FBXL7: variants seen among roughly 807,000 people sequenced by gnomAD.
FBXL7 encodes the protein F-box and leucine rich repeat protein 7, also known as F-box/LRR-repeat protein 7.
FBXL7 carries 12 observed loss-of-function variants against 38.3 expected under a neutral mutation model. The observed-to-expected ratio is 0.31, with a 90% CI of 0.20 to 0.51. The LOEUF (loss-of-function observed/expected upper bound fraction) is 0.51, where lower values mean the gene tolerates loss of function less well. Among genes scored for constraint, FBXL7 ranks in the 20% least tolerant of loss-of-function variants. The probability of loss-of-function intolerance (pLI) is 0.98; values close to 1 mark genes in which losing one functional copy is unlikely to be tolerated. For missense variants in FBXL7, 567 were observed against 676.4 expected (o/e 0.84, Z 1.79); for synonymous variants, 297 against 300.9 (o/e 0.99, Z 0.13).
At chr5:15,870,058 C>T (rs748090422) in intron 2 of FBXL7, among the ~76,000 whole-genome samples, 9 of 151,998 alleles carry the variant, frequency 5.9e-5, no homozygotes, top group East Asian at 1.9e-4. Flanking sequence ...TATAGTGATC[C>T]GCGATTGCAC....
In FBXL7 at chr5:15,836,777, G is replaced by A. The variant is rs527486643; in HGVS notation, c.128-91113G>A. The stretch of plus-strand genomic sequence containing the variant: ...GAGCAGAGGGTAATGTGACTGGCCT[G>A]TGTCAGGTTTCAGCCTCCTGTCAAC... On this transcript the variant is annotated intron_variant, in intron 2 of 3. Transcript: ENST00000504595. Among the ~76,000 whole-genome samples, 10 of 152,306 alleles carry A rather than the reference G, an allele frequency of 6.6e-5. No homozygotes were observed. In the South Asian group the frequency reaches 2.1e-3, roughly 32 times the overall value.
chr5:15,846,103 A>G (rs1314517145), intron 2 of FBXL7, among the ~76,000 whole-genome samples: 1 of 152,282 alleles, frequency 6.6e-6, no homozygotes, highest in Non-Finnish European at 1.5e-5. Context: ...ACATTTTTAA[A>G]TGAATACACA....
chr5:15,883,739 G>A (rs917743476), intron 2 of FBXL7, among the ~76,000 whole-genome samples: 4 of 152,170 alleles, frequency 2.6e-5, no homozygotes, highest in African/African-American at 9.7e-5. Context: ...ACAAGAATAT[G>A]TGGCTGAGTC....
chr5:15,738,005 A>G (rs1336978319), intron 2 of FBXL7, among the ~76,000 whole-genome samples: 2 of 152,170 alleles, frequency 1.3e-5, no homozygotes, highest in Non-Finnish European at 2.9e-5. Flanking sequence ...GAGCATCAAC[A>G]TATGTGCCTG....
At chr5:15,760,070 T>C (rs556981162) in intron 2 of FBXL7, among the ~76,000 whole-genome samples, 72 of 152,314 alleles carry the variant, frequency 4.7e-4, no homozygotes, top group African/African-American at 1.7e-3. Flanking sequence ...ATTATTTGCT[T>C]TAATCCTTGT....
intron 1 of FBXL7, among the ~76,000 whole-genome samples, chr5:15,502,803 A>T (rs530044279): frequency 2.6e-5 from 4 of 152,228 alleles, no homozygotes; most frequent in Non-Finnish European, 4.4e-5. Flanking sequence ...TGCTGGGCTC[A>T]GGTGTGGCAG....
intron 2 of FBXL7, among the ~76,000 whole-genome samples, chr5:15,894,293 CAAAA>C (rs1339774262): frequency 1.3e-5 from 2 of 152,102 alleles, no homozygotes; most frequent in Admixed American, 1.3e-4. Context: ...AACAAACAAA[CAAAA>C]AAGAATATCA....
rs916427526 is a variant in FBXL7, at chr5:15,634,537, T to A, written c.127+18465T>A. 7.3e-5 allele frequency among the ~76,000 whole-genome samples: 11 copies of A among 151,530 alleles called. No homozygotes were observed. The East Asian group carries it at 9.8e-4, about 14-fold the overall frequency. ...GGGGTTTACCCTAGGGCCAGGCTGGTGTCGAACTCCTGACCTCAAGTGATC... is the reference window on the plus strand; with the variant it reads ...GGGGTTTACCCTAGGGCCAGGCTGGAGTCGAACTCCTGACCTCAAGTGATC... On this transcript the variant is annotated intron_variant, in intron 2 of 3. Transcript: ENST00000504595.
chr5:15,641,302 C>A (rs1211638260), intron 2 of FBXL7, among the ~76,000 whole-genome samples: 1 of 152,054 alleles, frequency 6.6e-6, no homozygotes, highest in East Asian at 1.9e-4. Context: ...TGTAGAGAAC[C>A]CAAACAAGAT....
At chr5:15,536,142 C>T (rs1181356728) in intron 1 of FBXL7, among the ~76,000 whole-genome samples, 1 of 152,262 alleles carries the variant, frequency 6.6e-6, no homozygotes, top group Admixed American at 6.5e-5. Flanking sequence ...GGAACCTCCA[C>T]CTAGATTTCA....
In FBXL7 at chr5:15,829,307, A is replaced by C. The variant is rs148630425; in HGVS notation, c.128-98583A>C. Reference sequence around the variant, plus strand: ...ATTGGTTACAGCTTCTTTTGTTTTTATTTGTTGTTTGTTTGCCGTTAGTCC... The same window carrying C: ...ATTGGTTACAGCTTCTTTTGTTTTTCTTTGTTGTTTGTTTGCCGTTAGTCC... On this transcript the variant is annotated intron_variant, in intron 2 of 3. Coordinates refer to ENST00000504595, the MANE Select transcript of FBXL7 (RefSeq NM_012304.5). Among the ~76,000 whole-genome samples, 1,386 of 151,820 alleles carry C rather than the reference A, an allele frequency of 9.1e-3. 55 individuals are homozygous for C. The highest frequency in any genetic ancestry group is 0.083 in the Admixed American group (1,261 of 15,242).
At chr5:15,777,748 T>TAAAAAAAAAAAAAAAAAAAAA (rs1250146374) in intron 2 of FBXL7, among the ~76,000 whole-genome samples, 284 of 89,378 alleles carry the variant, frequency 3.2e-3, no homozygotes, top group Middle Eastern at 6.8e-3. Flanking sequence ...AAAAAAAAAG[T>TAAAAAAAAAAAAAAAAAAAAA]AAATTCCAGT....
At position 15,936,544 on chromosome 5, in the gene FBXL7, C is replaced by T. The variant is rs750652897; in HGVS notation, c.834C>T (p.Asp278=). Residue 278 remains aspartate (D), a synonymous_variant, in exon 4 of 4, where the codon GAC becomes GAT. Transcript: ENST00000504595. This position sits in a 1 kb window ranked among gnomAD's most constrained non-coding sequence, Gnocchi z 6.0. ...HGKQISIRYL[D]MTDCFVLEDE... Reference sequence around the variant, plus strand: ...AACAGATTTCCATCCGCTACCTGGACATGACGGACTGCTTCGTGCTGGAGG... The same window carrying T: ...AACAGATTTCCATCCGCTACCTGGATATGACGGACTGCTTCGTGCTGGAGG... 9 of 1,613,570 alleles carry T rather than the reference C, an allele frequency of 5.6e-6. No homozygotes were observed. In the South Asian group the frequency reaches 7.7e-5, roughly 14 times the overall value.
chr5:15,918,372 A>T (rs1017642840), intron 2 of FBXL7, among the ~76,000 whole-genome samples: 1 of 152,220 alleles, frequency 6.6e-6, no homozygotes, highest in African/African-American at 2.4e-5. Context: ...AGGCCACCCA[A>T]TCTTTATTCG....
intron 2 of FBXL7, among the ~76,000 whole-genome samples, chr5:15,921,491 G>A (rs917462451): frequency 2.6e-5 from 4 of 151,630 alleles, no homozygotes; most frequent in African/African-American, 7.3e-5. Context: ...ACCCATCCAC[G>A]CTAATACACA....
chr5:15,861,449 G>A (rs1276615978), intron 2 of FBXL7, among the ~76,000 whole-genome samples: 1 of 152,166 alleles, frequency 6.6e-6, no homozygotes, highest in Non-Finnish European at 1.5e-5. Flanking sequence ...ACAGAGTGAT[G>A]GGGCATAAGG....
At chr5:15,659,701 C>T (rs183528427) in intron 2 of FBXL7, among the ~76,000 whole-genome samples, 9 of 152,206 alleles carry the variant, frequency 5.9e-5, no homozygotes, top group South Asian at 4.1e-4. Flanking sequence ...ATAATGCCCA[C>T]GGTTGAATTC....
intron 2 of FBXL7, among the ~76,000 whole-genome samples, chr5:15,778,744 G>A (rs1736920849): frequency 6.6e-6 from 1 of 152,080 alleles, no homozygotes; most frequent in African/African-American, 2.4e-5. Context: ...AGTTGCCGAT[G>A]CTCCCGCTAG....
chr5:15,806,336 A>C (rs1737711438), intron 2 of FBXL7, among the ~76,000 whole-genome samples: 1 of 152,216 alleles, frequency 6.6e-6, no homozygotes, highest in Non-Finnish European at 1.5e-5. Context: ...TGGATGATTC[A>C]TCTCAAAATT....
Sources: gnomAD v4.1 joint callset for allele counts (sites outside exome capture counted in the v4.1 genomes callset) on GRCh38, gnomAD v4.1.1 for gene constraint, Gnocchi (gnomAD v3.1) non-coding constraint, MANE v1.5 for transcripts, NCBI Gene and HGNC (gene_info 2026-07-23, HGNC 2026-07-21) for gene names.